SASS6: variants seen among roughly 807,000 people sequenced by gnomAD.
SASS6 encodes the protein SAS-6 centriolar assembly protein, also known as spindle assembly abnormal protein 6 homolog.
A neutral mutation model predicts 94.9 loss-of-function variants in SASS6; 59 were observed. The ratio of observed to expected loss-of-function variants is 0.62; its 90% CI spans 0.50 to 0.77. The LOEUF (loss-of-function observed/expected upper bound fraction) is 0.77. Ranked by LOEUF, SASS6 falls within the 30% of genes least tolerant of loss-of-function variation. The probability of loss-of-function intolerance (pLI) is 0.00; values close to 1 mark genes in which losing one functional copy is unlikely to be tolerated. For synonymous variants in SASS6, 264 were observed against 270.0 expected, an observed-to-expected ratio of 0.98 and a Z score of 0.22; for missense variants, 698 against 734.1, an observed-to-expected ratio of 0.95 and a Z score of 0.57.
intron 14 of SASS6, among the ~76,000 whole-genome samples, chr1:100,094,030 C>T (rs1005555784): frequency 7.2e-5 from 11 of 151,990 alleles, no homozygotes; most frequent in African/African-American, 2.4e-4. Context: ...AACCATAAGC[C>T]GGTTCCTTGA....
intron 14 of SASS6, among the ~76,000 whole-genome samples, chr1:100,095,921 T>C (rs1570686630): frequency 6.6e-6 from 1 of 152,162 alleles, no homozygotes. Context: ...TCTAAATAAA[T>C]GGAAAGACTC....
In SASS6 at chr1:100,130,350, C is replaced by T. The variant is rs12125702; in HGVS notation, c.65+2400G>A. Among the ~76,000 whole-genome samples, 369 of 152,278 alleles carry T rather than the reference C, an allele frequency of 2.4e-3. 1 individual carries two copies. Among genetic ancestry groups the T allele is most frequent in the Middle Eastern group, 0.017 (5 of 294 alleles). On this transcript the variant is annotated intron_variant, in intron 1 of 16. Coordinates refer to ENST00000287482, the MANE Select transcript of SASS6 (RefSeq NM_194292.3). Reference sequence around the variant, plus strand: ...TTCCTGAGACACAGCAGACATTTGCCAGTATTTGTTGAGCTGAACTGGCCT... The same window carrying T: ...TTCCTGAGACACAGCAGACATTTGCTAGTATTTGTTGAGCTGAACTGGCCT...
chr1:100,115,241 C>A (rs1466664230), intron 7 of SASS6, among the ~76,000 whole-genome samples: 1 of 152,026 alleles, frequency 6.6e-6, no homozygotes, highest in African/African-American at 2.4e-5. Context: ...CATTAACATA[C>A]ACTACTGATA....
At chr1:100,117,511 A>T (rs893314736) in intron 7 of SASS6, among the ~76,000 whole-genome samples, 1 of 151,798 alleles carries the variant, frequency 6.6e-6, no homozygotes, top group Non-Finnish European at 1.5e-5. Context: ...TTAGCCAGGC[A>T]TGGTGGTGGC....
At chr1:100,091,769 A>G (rs377705600) in intron 14 of SASS6, among the ~76,000 whole-genome samples, 6 of 151,934 alleles carry the variant, frequency 3.9e-5, no homozygotes, top group African/African-American at 1.4e-4. Context: ...CAAATCTGAA[A>G]AACAGAAAAA....
rs1030739855 is a variant in SASS6 at position 100,110,280 on chromosome 1, A to C, written c.861+12T>G. On this transcript the variant is annotated intron_variant, in intron 8 of 16. Coordinates refer to ENST00000287482, the MANE Select transcript of SASS6 (RefSeq NM_194292.3). Reference sequence around the variant, plus strand: ...CTTAAATTGGGGGAGGAAAAAAAACAACATTCAATACCTCTTCAACACCAG... The same window carrying C: ...CTTAAATTGGGGGAGGAAAAAAAACCACATTCAATACCTCTTCAACACCAG... 18 of 1,490,602 alleles carry C rather than the reference A, an allele frequency of 1.2e-5. No individual in the cohort carries two copies. Among genetic ancestry groups the C allele is most frequent in the Admixed American group, 2.4e-5 (1 of 41,634 alleles). The allele number at this position is 1,490,602 out of a possible 1,614,324, so 92.3% of individuals were successfully genotyped here.
At chr1:100,119,712 CATGTGGTACCTCCTTCCT>C (rs1654034897) in intron 6 of SASS6, among the ~76,000 whole-genome samples, 1 of 152,148 alleles carries the variant, frequency 6.6e-6, no homozygotes, top group Non-Finnish European at 1.5e-5. Context: ...TGTTTAAAAG[CATGTGGTACCTCCTTCCT>C]CCCACCCTCA....
At position 100,086,249 on chromosome 1, in the gene SASS6, C is replaced by T. The variant is rs375302791; in HGVS notation, c.1773-619G>A. On this transcript the variant is annotated intron_variant, in intron 15 of 16. Coordinates refer to ENST00000287482, the MANE Select transcript of SASS6 (RefSeq NM_194292.3). ...CTCTTGCAAAACAATGAGAATAAAT[C>T]AATCCTTAAAATTAAATGATGGTTG... Among the ~76,000 whole-genome samples, 9 of 152,086 alleles carry T rather than the reference C, an allele frequency of 5.9e-5. No homozygotes were observed. The East Asian group carries it at 1.3e-3, about 23-fold the overall frequency.
chr1:100,107,316 A>G (rs1460858621), intron 11 of SASS6, 58 bp downstream of exon 11: 2 of 1,117,672 alleles, frequency 1.8e-6, no homozygotes, highest in Non-Finnish European at 2.6e-6. Context: ...ACAAAGCATA[A>G]ATTTTTAAAA....
At chr1:100,131,373 A>C (rs72728134) in intron 1 of SASS6, among the ~76,000 whole-genome samples, 2 of 151,878 alleles carry the variant, frequency 1.3e-5, no homozygotes, top group Non-Finnish European at 2.9e-5. Context: ...AATTTTCTAG[A>C]AGTCACATTT....
At chr1:100,087,220 T>C (rs1279503183) in intron 15 of SASS6, among the ~76,000 whole-genome samples, 1 of 152,214 alleles carries the variant, frequency 6.6e-6, no homozygotes, top group Non-Finnish European at 1.5e-5. Flanking sequence ...CGGCCTCAAG[T>C]GATCCACCCA....
At chr1:100,122,314 C>G (rs1654251266) in intron 4 of SASS6, 66 bp downstream of exon 4, 3 of 720,890 alleles carry the variant, frequency 4.2e-6, no homozygotes, top group Admixed American at 5.0e-5. Flanking sequence ...TTGCCATCAA[C>G]TTGTGTTTCA....
intron 1 of SASS6, among the ~76,000 whole-genome samples, chr1:100,131,030 T>C (rs1468318737): frequency 6.6e-6 from 1 of 152,218 alleles, no homozygotes; most frequent in African/African-American, 2.4e-5. Flanking sequence ...TTAACTGTGA[T>C]GGCAATGTAA....
At chr1:100,115,340 A>G (rs1158821465) in intron 7 of SASS6, among the ~76,000 whole-genome samples, 1 of 152,190 alleles carries the variant, frequency 6.6e-6, no homozygotes, top group Non-Finnish European at 1.5e-5. Context: ...CTAGCCAAAA[A>G]CACTGTTTAA....
chr1:100,114,254 C>T (rs1434255794), intron 7 of SASS6, among the ~76,000 whole-genome samples: 3 of 152,046 alleles, frequency 2.0e-5, no homozygotes, highest in African/African-American at 7.2e-5. Context: ...ATAAAGAAAA[C>T]TGAAAAATGT....
chr1:100,131,166 G>C (rs1479102183), intron 1 of SASS6, among the ~76,000 whole-genome samples: 1 of 151,820 alleles, frequency 6.6e-6, no homozygotes, highest in Non-Finnish European at 1.5e-5. Flanking sequence ...ATGTGAGCCA[G>C]GTATGTAATT....
chr1:100,107,343 TTAC>T (rs1402186304), intron 11 of SASS6, 28 bp downstream of exon 11: 10 of 1,414,610 alleles, frequency 7.1e-6, no homozygotes, highest in Non-Finnish European at 9.7e-6. Context: ...AAAAATTTAG[TTAC>T]AACATAAAAA....
chr1:100,099,551 T>A (rs542519153), intron 14 of SASS6: 1 of 152,358 alleles, frequency 6.6e-6, no homozygotes, highest in Non-Finnish European at 1.5e-5. Context: ...ACCTTCAACA[T>A]CCACTCTATG....
intron 11 of SASS6, 134 bp from the exon 12 acceptor site, chr1:100,107,127 G>T: frequency 1.7e-6 from 1 of 605,254 alleles, no homozygotes; most frequent in Non-Finnish European, 2.9e-6. Context: ...AAAGGAATTA[G>T]CTCAATTATG....
Sources: gnomAD v4.1 joint callset for allele counts (sites outside exome capture counted in the v4.1 genomes callset) on GRCh38, gnomAD v4.1.1 for gene constraint, MANE v1.5 for transcripts, NCBI Gene and HGNC (gene_info 2026-07-23, HGNC 2026-07-21) for gene names.